Variants in SH3BP5L observed in about 807,000 individuals in gnomAD.
The protein encoded by SH3BP5L is SH3 binding domain protein 5 like, also known as SH3 domain-binding protein 5-like.
A neutral mutation model predicts 40.9 loss-of-function variants in SH3BP5L; 16 were observed. The observed-to-expected ratio is 0.39, with a 90% CI of 0.27 to 0.59. The LOEUF (loss-of-function observed/expected upper bound fraction) is 0.59, where lower values mean the gene tolerates loss of function less well. SH3BP5L is among the 20% of genes least tolerant of loss of function. The probability of loss-of-function intolerance (pLI) is 0.53; values close to 1 mark genes in which losing one functional copy is unlikely to be tolerated. For synonymous variants in SH3BP5L, 229 were observed against 226.7 expected (o/e 1.01, Z -0.09); for missense variants, 471 against 544.6 (o/e 0.86, Z 1.35).
Position 248,825,288 on chromosome 1 carries a change from G to A in SH3BP5L, c.-353C>T. The A allele has an allele frequency of 9.8e-7, 1 of 1,024,732 alleles. No individual in the cohort carries two copies. The highest frequency in any genetic ancestry group is 1.2e-6 in the Non-Finnish European group (1 of 854,848). 63.5% of individuals were successfully genotyped at this position (1,024,732 alleles called of 1,614,324 possible). On this transcript the variant is annotated 5_prime_UTR_variant, in exon 2 of 7. Transcript: ENST00000366472. Reference sequence around the variant, plus strand: ...GCACCATTCGGGAGGGTGGAGGCAGGCGCCTCCAGGCTGTGGTGGCAGCTG... The same window carrying A: ...GCACCATTCGGGAGGGTGGAGGCAGACGCCTCCAGGCTGTGGTGGCAGCTG...
At chr1:248,823,639 GAGGAACCCACACACACACACATATCCC>G (rs1664306329) in intron 2 of SH3BP5L, among the ~76,000 whole-genome samples, 1 of 149,342 alleles carries the variant, frequency 6.7e-6, no homozygotes, top group Admixed American at 6.6e-5. Flanking sequence ...CACAGTAGAA[GAGGAACCCACACACACACACATATCCC>G]AGGAACCCAC....
chr1:248,814,580 G>A lies in SH3BP5L; in HGVS notation c.406C>T (p.Arg136Trp), dbSNP rs770992632. The change falls in exon 5 of 7, where the codon CGG becomes TGG. Residue 136 changes from arginine to tryptophan, a missense_variant. By Grantham distance (101) the Arg-to-Trp change is moderately radical (BLOSUM62 -3). Transcript: ENST00000366472. ...AQQETQKAAL[R>W]YERAVSMHNA... is the part of the protein sequence containing the mutation. ...TGCATGCTTACGGCCCGCTCGTACCGCAGCGCTGCCTTCTGTGTCTCCTGC... is the reference window on the plus strand; with the variant it reads ...TGCATGCTTACGGCCCGCTCGTACCACAGCGCTGCCTTCTGTGTCTCCTGC... 6.8e-6 allele frequency: 11 copies of A among 1,614,158 alleles called. No individual in the cohort carries two copies. The highest frequency in any genetic ancestry group is 2.2e-5 in the East Asian group (1 of 44,872).
Position 248,811,721 on chromosome 1 carries a change from G to A in SH3BP5L, c.*179C>T, listed in dbSNP as rs1482363119. The A allele has an allele frequency of 9.1e-6, 5 of 552,472 alleles. No homozygotes were observed. The highest frequency in any genetic ancestry group is 7.8e-5 in the African/African-American group (4 of 51,314). The allele number at this position is 552,472 out of a possible 1,614,324, so 34.2% of individuals were successfully genotyped here. On this transcript the variant is annotated 3_prime_UTR_variant, in exon 7 of 7. Transcript: ENST00000366472. ...AGAGCCGCCTGCTGAGGGGAAGGGGGAGGCTGTGAGAACGCCAGGGCAGGC... is the reference window on the plus strand; with the variant it reads ...AGAGCCGCCTGCTGAGGGGAAGGGGAAGGCTGTGAGAACGCCAGGGCAGGC...
At position 248,825,114 on chromosome 1, in the gene SH3BP5L, G is replaced by T; in HGVS notation, c.-179C>A. 7.2e-7 allele frequency: 1 copy of T among 1,394,680 alleles called. No individual in the cohort carries two copies. Among genetic ancestry groups the T allele is most frequent in the Non-Finnish European group, 9.3e-7 (1 of 1,078,506 alleles). 86.4% of individuals were successfully genotyped at this position (1,394,680 alleles called of 1,614,324 possible). ...TAGGTTAGAGGTTGAGATTCAAGTT[G>T]TCAGTGGGGTTCCTAGAGCTGAAGC... is the stretch of plus-strand genomic sequence containing the variant. On this transcript the variant is annotated 5_prime_UTR_variant, in exon 2 of 7. Coordinates refer to ENST00000366472, the MANE Select transcript of SH3BP5L (RefSeq NM_030645.3).
rs758722323 is a variant in SH3BP5L at position 248,814,620 on chromosome 1, G to A, written c.376-10C>T. The A allele has an allele frequency of 5.6e-6, 9 of 1,614,210 alleles. No individual in the cohort carries two copies. Among genetic ancestry groups the A allele is most frequent in the South Asian group, 1.1e-5 (1 of 91,084 alleles). On this transcript the variant is annotated splice_polypyrimidine_tract_variant and intron_variant, in intron 4 of 6. Transcript: ENST00000366472. The stretch of plus-strand genomic sequence containing the variant: ...GTGTCTCCTGCTGAGCCTGGGGGGA[G>A]AGGGATATCAGGATGGGGAACCCTG...
chr1:248,812,040 A>T lies in SH3BP5L; in HGVS notation c.1042T>A (p.Cys348Ser), dbSNP rs1243393570. Reference sequence around the variant, plus strand: ...CCTCGCAAGTGCTCCACGGAGTCGCACTTCTGCAGGTCTGAAGCCACCGTG... The same window carrying T: ...CCTCGCAAGTGCTCCACGGAGTCGCTCTTCTGCAGGTCTGAAGCCACCGTG... Reference protein sequence around the residue: ...LRTVASDLQKCDSVEHLRGLS... With the variant: ...LRTVASDLQKSDSVEHLRGLS... The change falls in exon 7 of 7, where the codon TGC (cysteine) becomes AGC (serine). Residue 348 changes from cysteine to serine, a missense_variant. Transcript: ENST00000366472. The surrounding 1 kb of genome is among the most constrained non-coding windows in gnomAD (Gnocchi z 6.1). 4.3e-6 allele frequency: 7 copies of T among 1,612,622 alleles called. 1 individual carries two copies. The African/African-American group carries it at 9.4e-5, about 22-fold the overall frequency.
chr1:248,824,671 G>T, intron 2 of SH3BP5L, 82 bp downstream of exon 2: 1 of 1,527,162 alleles, frequency 6.5e-7, no homozygotes, highest in Non-Finnish European at 8.9e-7. Flanking sequence ...GACAGAGTAA[G>T]TCTAAGCCCT....
Position 248,825,100 on chromosome 1 carries a change from T to C in SH3BP5L, c.-165A>G. 5 of 1,401,450 alleles carry C rather than the reference T, an allele frequency of 3.6e-6. No individual in the cohort carries two copies. Among genetic ancestry groups the C allele is most frequent in the South Asian group, 3.3e-5 (2 of 61,004 alleles). 86.8% of individuals were successfully genotyped at this position (1,401,450 alleles called of 1,614,324 possible). ...GAAGAACCTCACACTAGGTTAGAGGTTGAGATTCAAGTTGTCAGTGGGGTT... is the reference window on the plus strand; with the variant it reads ...GAAGAACCTCACACTAGGTTAGAGGCTGAGATTCAAGTTGTCAGTGGGGTT... On this transcript the variant is annotated 5_prime_UTR_variant, in exon 2 of 7. Transcript: ENST00000366472.
At chr1:248,818,155 C>T (rs917982295) in intron 2 of SH3BP5L, among the ~76,000 whole-genome samples, 1 of 152,074 alleles carries the variant, frequency 6.6e-6, no homozygotes, top group Non-Finnish European at 1.5e-5. Context: ...CAAGACCGGC[C>T]TGGCCAACAT....
At chr1:248,820,926 A>G (rs967955449) in intron 2 of SH3BP5L, 1 of 152,248 alleles carries the variant, frequency 6.6e-6, no homozygotes, top group Non-Finnish European at 1.5e-5. Flanking sequence ...TTAAAAGGAC[A>G]AGAAGAGCTG....
intron 4 of SH3BP5L, 44 bp from the exon 5 acceptor site, chr1:248,814,654 C>A: frequency 6.2e-7 from 1 of 1,608,962 alleles, no homozygotes; most frequent in East Asian, 2.2e-5. Context: ...TGAGGGACCC[C>A]AGCTGCCCAT....
Position 248,819,999 on chromosome 1 carries a change from C to A in SH3BP5L, c.184-3115G>T, listed in dbSNP as rs546816677. Among the ~76,000 whole-genome samples the A allele has an allele frequency of 2.6e-4, 40 of 152,196 alleles. No individual in the cohort carries two copies. In the South Asian group the frequency reaches 8.3e-3, roughly 32 times the overall value. The stretch of plus-strand genomic sequence containing the variant: ...AACCCAATATATACAAAATATATTT[C>A]AACATGTGATCAACATAAAATAATA... On this transcript the variant is annotated intron_variant, in intron 2 of 6. Transcript: ENST00000366472.
At chr1:248,824,607 C>T in intron 2 of SH3BP5L, 146 bp downstream of exon 2, 2 of 1,007,604 alleles carry the variant, frequency 2.0e-6, no homozygotes, top group Non-Finnish European at 2.9e-6. Context: ...GTTACATTAC[C>T]CTGCAATGAT....
At position 248,812,092 on chromosome 1, in the gene SH3BP5L, G is replaced by C; in HGVS notation, c.990C>G (p.Thr330=). The change falls in exon 7 of 7, where the codon ACC becomes ACG. Residue 330 remains threonine, a synonymous_variant. Coordinates refer to ENST00000366472, the MANE Select transcript of SH3BP5L (RefSeq NM_030645.3). This position sits in a 1 kb window ranked among gnomAD's most constrained non-coding sequence, Gnocchi z 6.1. ...SSLGPGPAPD[T]DTLSLLSLRT... ...GCAGGCTCAGCAGACTCAGGGTATC[G>C]GTGTCGGGGGCGGGGCCGGGCCCCA... 1 of 1,612,060 alleles carries C rather than the reference G, an allele frequency of 6.2e-7. No individual in the cohort carries two copies. The highest frequency in any genetic ancestry group is 8.5e-7 in the Non-Finnish European group (1 of 1,179,100).
At chr1:248,816,976 C>A in intron 2 of SH3BP5L, 92 bp from the exon 3 acceptor site, 2 of 1,599,960 alleles carry the variant, frequency 1.3e-6, no homozygotes, top group Non-Finnish European at 8.5e-7. Flanking sequence ...GAGAGAGAGC[C>A]CCACTTGCCC....
chr1:248,814,692 GAGA>G, intron 4 of SH3BP5L, 82 bp from the exon 5 acceptor site: 2 of 1,450,012 alleles, frequency 1.4e-6, no homozygotes, highest in Admixed American at 1.7e-5. Context: ...GTGAGGATAA[GAGA>G]AGGAGGAAGG....
In SH3BP5L at chr1:248,812,149, G is replaced by T. The variant is rs202116012; in HGVS notation, c.933C>A (p.Ala311=). 2 of 1,600,300 alleles carry T rather than the reference G, an allele frequency of 1.2e-6. No homozygotes were observed. Among genetic ancestry groups the T allele is most frequent in the Admixed American group, 1.7e-5 (1 of 59,086 alleles). ...TGCCCTCCTCCAGCCCCGCACCCTCGGCCCCCTCAATCCCGCTGTCTCCGT... is the reference window on the plus strand; with the variant it reads ...TGCCCTCCTCCAGCCCCGCACCCTCTGCCCCCTCAATCCCGCTGTCTCCGT... The part of the protein sequence containing the change: ...MEDGDSGIEG[A]EGAGLEEGSS... Residue 311 remains alanine, a synonymous_variant, in exon 7 of 7, where the codon GCC becomes GCA. Coordinates refer to ENST00000366472, the MANE Select transcript of SH3BP5L (RefSeq NM_030645.3). The surrounding 1 kb of genome is among the most constrained non-coding windows in gnomAD (Gnocchi z 6.1).
chr1:248,816,934 G>T (rs1664123545), intron 2 of SH3BP5L, 50 bp from the exon 3 acceptor site: 1 of 1,613,170 alleles, frequency 6.2e-7, no homozygotes, highest in African/African-American at 1.3e-5. Flanking sequence ...AAGTAGCCTT[G>T]AATGAACCAT....
At chr1:248,815,093 G>C (rs571082286) in intron 4 of SH3BP5L, among the ~76,000 whole-genome samples, 31 of 152,246 alleles carry the variant, frequency 2.0e-4, no homozygotes, top group Admixed American at 1.7e-3. Context: ...TAGGACATCG[G>C]TTAAATAAAT....
Sources: gnomAD v4.1 joint callset for allele counts (sites outside exome capture counted in the v4.1 genomes callset) on GRCh38, gnomAD v4.1.1 for gene constraint, Gnocchi (gnomAD v3.1) non-coding constraint, MANE v1.5 for transcripts, NCBI Gene and HGNC (gene_info 2026-07-23, HGNC 2026-07-21) for gene names.